The following ITFG1 variants were observed in gnomAD, a reference collection of about 807,000 sequenced individuals.
ITFG1 encodes T-cell immunomodulatory protein.
ITFG1 carries 34 observed loss-of-function variants against 81.8 expected under a neutral mutation model. The observed-to-expected ratio is 0.42, with a 90% CI of 0.32 to 0.55. The LOEUF is 0.55. ITFG1 is among the 20% of genes least tolerant of loss of function. The pLI is 0.17. For missense variants in ITFG1, 672 were observed against 755.4 expected, an observed-to-expected ratio of 0.89 and a Z score of 1.29; for synonymous variants, 285 against 270.6, an observed-to-expected ratio of 1.05 and a Z score of -0.52.
intron 10 of ITFG1, among the ~76,000 whole-genome samples, chr16:47,270,844 TAGAA>T (rs1486586121): frequency 6.0e-3 from 915 of 152,282 alleles, no homozygotes; most frequent in African/African-American, 0.02. Context: ...TATAAAATAT[TAGAA>T]AATGCAATCT....
At chr16:47,339,796 C>A (rs1967757208) in intron 8 of ITFG1, among the ~76,000 whole-genome samples, 1 of 152,080 alleles carries the variant, frequency 6.6e-6, no homozygotes, top group African/African-American at 2.4e-5. Context: ...AAAGAGAACA[C>A]TTGAAGAAAT....
At chr16:47,340,183 A>G (rs1169572459) in intron 8 of ITFG1, among the ~76,000 whole-genome samples, 1 of 152,156 alleles carries the variant, frequency 6.6e-6, no homozygotes, top group African/African-American at 2.4e-5. Flanking sequence ...TTCCACTATC[A>G]GACCTGCTAT....
rs570546153 is a variant in ITFG1 at position 47,174,767 on chromosome 16, G to A, written c.1454-12103C>T. Among the ~76,000 whole-genome samples, 4 of 152,172 alleles carry A rather than the reference G, an allele frequency of 2.6e-5. No homozygotes were observed. The South Asian group carries it at 6.2e-4, about 24-fold the overall frequency. ...ATTCCTGACCTCAGGTGATCCACCC[G>A]CCTCTGCCTCCCAAAGTGCTGGGAT... On this transcript the variant is annotated intron_variant, in intron 14 of 17. Transcript: ENST00000320640.
At chr16:47,439,373 C>G (rs898947580) in intron 5 of ITFG1, among the ~76,000 whole-genome samples, 2 of 152,076 alleles carry the variant, frequency 1.3e-5, no homozygotes, top group Non-Finnish European at 2.9e-5. Flanking sequence ...AACTCCAAGA[C>G]ACATAATTGT....
intron 14 of ITFG1, among the ~76,000 whole-genome samples, chr16:47,178,366 C>A (rs1326439867): frequency 6.6e-6 from 1 of 152,076 alleles, no homozygotes; most frequent in African/African-American, 2.4e-5. Context: ...TATAAATGCT[C>A]CTGGTTTTTA....
intron 6 of ITFG1, among the ~76,000 whole-genome samples, chr16:47,420,361 C>T (rs2151606290): frequency 6.6e-6 from 1 of 152,216 alleles, no homozygotes; most frequent in Non-Finnish European, 1.5e-5. Flanking sequence ...CCTATTTGGT[C>T]TAATGTACAG....
intron 7 of ITFG1, among the ~76,000 whole-genome samples, chr16:47,368,561 A>G (rs1968209041): frequency 6.8e-6 from 1 of 147,244 alleles, no homozygotes; most frequent in Non-Finnish European, 1.5e-5. Flanking sequence ...ATCTCAAAAA[A>G]AAAAAAAAAA....
intron 6 of ITFG1, among the ~76,000 whole-genome samples, chr16:47,428,367 A>C (rs921825883): frequency 5.9e-5 from 9 of 152,214 alleles, no homozygotes; most frequent in African/African-American, 2.2e-4. Flanking sequence ...ATGTGCATAT[A>C]TTATAATATT....
intron 10 of ITFG1, among the ~76,000 whole-genome samples, chr16:47,280,009 T>C (rs1446033990): frequency 6.6e-6 from 1 of 152,134 alleles, no homozygotes; most frequent in African/African-American, 2.4e-5. Flanking sequence ...CATGAGGTTT[T>C]TTTTCCCTAA....
chr16:47,339,477 T>C (rs967839134), intron 8 of ITFG1, among the ~76,000 whole-genome samples: 1 of 152,164 alleles, frequency 6.6e-6, no homozygotes, highest in Non-Finnish European at 1.5e-5. Flanking sequence ...AAGTAGCTAA[T>C]AGAAATCAGG....
At chr16:47,294,156 A>T (rs996471913) in intron 10 of ITFG1, among the ~76,000 whole-genome samples, 1 of 152,122 alleles carries the variant, frequency 6.6e-6, no homozygotes, top group African/African-American at 2.4e-5. Flanking sequence ...CTTAACAAAG[A>T]TCAGTTAACT....
chr16:47,240,295 CAAAAAAAAAA>C (rs565661862), intron 12 of ITFG1, among the ~76,000 whole-genome samples: 2 of 52,476 alleles, frequency 3.8e-5, no homozygotes, highest in South Asian at 7.2e-4. Flanking sequence ...GATCCTGTCT[CAAAAAAAAAA>C]AAAAAAAAAA....
chr16:47,255,018 C>T (rs772565843), intron 12 of ITFG1, among the ~76,000 whole-genome samples: 139 of 152,162 alleles, frequency 9.1e-4, no homozygotes, highest in South Asian at 1.5e-3. Flanking sequence ...ACCTGGGAGG[C>T]GGAGGGTGCA....
chr16:47,296,118 G>A (rs576352410), intron 10 of ITFG1, among the ~76,000 whole-genome samples: 6 of 148,848 alleles, frequency 4.0e-5, no homozygotes, highest in African/African-American at 1.3e-4. Context: ...TAAATTGTTC[G>A]TAGAGGTAGG....
At chr16:47,425,098 C>G (rs908430682) in intron 6 of ITFG1, among the ~76,000 whole-genome samples, 1 of 152,116 alleles carries the variant, frequency 6.6e-6, no homozygotes, top group Non-Finnish European at 1.5e-5. Context: ...CCTCCCAGTT[C>G]GAGCTTCCAG....
intron 6 of ITFG1, among the ~76,000 whole-genome samples, chr16:47,401,920 C>T (rs1429945788): frequency 6.6e-6 from 1 of 152,114 alleles, no homozygotes; most frequent in Non-Finnish European, 1.5e-5. Context: ...CCCATGTCCA[C>T]TCTAAAGCCG....
intron 8 of ITFG1, among the ~76,000 whole-genome samples, chr16:47,333,694 G>C (rs1031679002): frequency 1.3e-5 from 2 of 152,148 alleles, no homozygotes; most frequent in African/African-American, 4.8e-5. Flanking sequence ...TAGGACTAGA[G>C]GTATGTTACC....
At chr16:47,163,000 T>C (rs1964832874) in intron 14 of ITFG1, among the ~76,000 whole-genome samples, 2 of 151,960 alleles carry the variant, frequency 1.3e-5, no homozygotes, top group African/African-American at 2.4e-5. Context: ...GGAGACGGGG[T>C]CTTACTATGT....
At chr16:47,376,796 C>A (rs1264623352) in intron 6 of ITFG1, among the ~76,000 whole-genome samples, 2 of 151,804 alleles carry the variant, frequency 1.3e-5, no homozygotes, top group African/African-American at 2.4e-5. Context: ...TGGTGAAACC[C>A]CATCGCTACT....
Sources: gnomAD v4.1 joint callset for allele counts (sites outside exome capture counted in the v4.1 genomes callset) on GRCh38, gnomAD v4.1.1 for gene constraint, MANE v1.5 for transcripts, NCBI Gene and HGNC (gene_info 2026-07-23, HGNC 2026-07-21) for gene names.